The following PKHD1 variants were observed in gnomAD, a reference collection of about 807,000 sequenced individuals.
PKHD1 encodes the protein fibrocystin.
Under a neutral mutation model 412.0 loss-of-function variants are expected in PKHD1, and 291 were observed. The ratio of observed to expected loss-of-function variants is 0.71; its 90% confidence interval spans 0.64 to 0.78. The LOEUF is 0.78. PKHD1 is among the 30% of genes least tolerant of loss of function. The pLI, the probability that PKHD1 is intolerant of heterozygous loss-of-function variation, is 0.00. For synonymous variants in PKHD1, 1,777 were observed against 1,821.5 expected (o/e 0.98, Z 0.62); for missense variants, 4,825 against 4,950.7 (o/e 0.97, Z 0.76).
intron 35 of PKHD1, among the ~76,000 whole-genome samples, chr6:51,973,939 C>CT (rs1358833763): frequency 1.3e-5 from 2 of 152,128 alleles, no homozygotes; most frequent in African/African-American, 4.8e-5. Context: ...AACTCAGTGA[C>CT]TGATACAAGA....
intron 35 of PKHD1, among the ~76,000 whole-genome samples, chr6:51,978,039 C>G (rs1306136455): frequency 6.6e-6 from 1 of 152,188 alleles, no homozygotes; most frequent in African/African-American, 2.4e-5. Context: ...AAGATCCCAG[C>G]AGGAGGATCT....
Position 51,659,037 on chromosome 6 carries a change from G to C in PKHD1, c.11089C>G (p.Gln3697Glu). ...QNLAHRVITA[Q>E]QTGVLENVLN... ...ACATTCTCTAGTACCCCAGTCTGTT[G>C]AGCAGTGATGACTCGATGAGCCAAA... The change falls in exon 61 of 67, where the codon CAA (glutamine) becomes GAA (glutamate). Residue 3697 changes from glutamine to glutamate, a missense_variant. Coordinates refer to ENST00000371117, the MANE Select transcript of PKHD1 (RefSeq NM_138694.4). 2 of 1,612,610 alleles carry C rather than the reference G, an allele frequency of 1.2e-6. No individual in the cohort carries two copies. Among genetic ancestry groups the C allele is most frequent in the Non-Finnish European group, 1.7e-6 (2 of 1,178,784 alleles).
intron 48 of PKHD1, among the ~76,000 whole-genome samples, chr6:51,862,689 G>A (rs1390372308): frequency 6.6e-6 from 1 of 152,132 alleles, no homozygotes; most frequent in Admixed American, 6.6e-5. Flanking sequence ...TACAGGAGAG[G>A]ATATTAAGCA....
rs1315333212 is a variant in PKHD1 at position 51,906,252 on chromosome 6, A to G, written c.6771T>C (p.Asn2257=). 5.6e-6 allele frequency: 9 copies of G among 1,611,700 alleles called. No individual in the cohort carries two copies. Among genetic ancestry groups the G allele is most frequent in the Non-Finnish European group, 7.6e-6 (9 of 1,178,160 alleles). ...CGTLGLKVDS[N]VFYNILGHAL... ...CATGACCTAAAATATTGTAGAATACATTACTGTCCACCTTCAGGCCCAAGG... is the reference window on the plus strand; with the variant it reads ...CATGACCTAAAATATTGTAGAATACGTTACTGTCCACCTTCAGGCCCAAGG... The change falls in exon 41 of 67, where the codon AAT becomes AAC. Residue 2257 remains asparagine (N), a synonymous_variant. Coordinates refer to ENST00000371117, the MANE Select transcript of PKHD1 (RefSeq NM_138694.4).
chr6:51,980,977 A>G (rs1007593220), intron 35 of PKHD1, among the ~76,000 whole-genome samples: 1 of 152,218 alleles, frequency 6.6e-6, no homozygotes, highest in African/African-American at 2.4e-5. Flanking sequence ...TATTTGTCCA[A>G]ATCAGTCAGC....
chr6:51,680,055 G>A (rs953384440), intron 60 of PKHD1, among the ~76,000 whole-genome samples: 37 of 151,776 alleles, frequency 2.4e-4, no homozygotes, highest in African/African-American at 7.5e-4. Flanking sequence ...ATAATGCTAC[G>A]GTATCAAGCT....
intron 57 of PKHD1, among the ~76,000 whole-genome samples, chr6:51,750,887 C>T (rs1786008665): frequency 6.6e-6 from 1 of 152,126 alleles, no homozygotes; most frequent in African/African-American, 2.4e-5. Context: ...AGTGATCCTA[C>T]CACCTCAGCC....
chr6:51,846,279 C>A (rs1001878212), intron 50 of PKHD1, among the ~76,000 whole-genome samples: 1 of 152,098 alleles, frequency 6.6e-6, no homozygotes, highest in Non-Finnish European at 1.5e-5. Flanking sequence ...CCTGTAGGTC[C>A]GACTCACTGG....
intron 66 of PKHD1, among the ~76,000 whole-genome samples, chr6:51,620,517 T>A (rs1766472619): frequency 6.6e-6 from 1 of 152,132 alleles, no homozygotes; most frequent in Non-Finnish European, 1.5e-5. Flanking sequence ...CATCTACTTT[T>A]ACTACGTTTA....
chr6:51,995,625 A>AT (rs1797631813), intron 35 of PKHD1, among the ~76,000 whole-genome samples: 1 of 152,112 alleles, frequency 6.6e-6, no homozygotes, highest in Non-Finnish European at 1.5e-5. Context: ...TTTCCAGGTA[A>AT]TTTTTCCACC....
At chr6:51,666,915 G>C (rs1445627062) in intron 60 of PKHD1, among the ~76,000 whole-genome samples, 2 of 151,828 alleles carry the variant, frequency 1.3e-5, no homozygotes, top group African/African-American at 4.8e-5. Context: ...TGGTGTATAC[G>C]TGCCACATTT....
At chr6:51,727,631 G>T (rs1238029710) in intron 60 of PKHD1, among the ~76,000 whole-genome samples, 1 of 152,196 alleles carries the variant, frequency 6.6e-6, no homozygotes, top group Admixed American at 6.5e-5. Context: ...AGGTGAGCAT[G>T]CACAGTGTGT....
intron 48 of PKHD1, among the ~76,000 whole-genome samples, chr6:51,863,380 A>G (rs1774509048): frequency 6.6e-6 from 1 of 152,372 alleles, no homozygotes; most frequent in Middle Eastern, 3.4e-3. Flanking sequence ...CGAAGACAGA[A>G]TCAAGGTCTG....
At chr6:51,770,166 G>A (rs11756701) in intron 55 of PKHD1, among the ~76,000 whole-genome samples, 27,926 of 151,240 alleles carry the variant, frequency 0.18, 3,378 homozygotes, top group African/African-American at 0.34. Flanking sequence ...AGATAAATAC[G>A]TGTCTTAGAT....
At chr6:51,633,056 A>T (rs1768116979) in intron 64 of PKHD1, among the ~76,000 whole-genome samples, 1 of 152,180 alleles carries the variant, frequency 6.6e-6, no homozygotes. Flanking sequence ...TAATGAGAAT[A>T]AAAATATTCT....
chr6:51,744,126 A>G (rs964566458), intron 60 of PKHD1, among the ~76,000 whole-genome samples: 1 of 152,238 alleles, frequency 6.6e-6, no homozygotes, highest in Non-Finnish European at 1.5e-5. Context: ...CCAGCTGTGC[A>G]CTAAGTTGGG....
rs146076610 is a variant in PKHD1 at position 51,882,906 on chromosome 6, G to A, written c.7350+187C>T. On this transcript the variant is annotated intron_variant, in intron 46 of 66. Coordinates refer to ENST00000371117, the MANE Select transcript of PKHD1 (RefSeq NM_138694.4). ...TGTACTCATAACACTAAAGCACTGT[G>A]TATATATGAGTTCTATTATCAATAT... 7.3e-3 allele frequency among the ~76,000 whole-genome samples: 1,115 copies of A among 152,256 alleles called. 11 individuals are homozygous for A. The highest frequency in any genetic ancestry group is 0.011 in the Non-Finnish European group (758 of 68,014).
At chr6:51,935,382 T>C (rs893293067) in intron 36 of PKHD1, among the ~76,000 whole-genome samples, 2 of 152,254 alleles carry the variant, frequency 1.3e-5, no homozygotes, top group Non-Finnish European at 2.9e-5. Context: ...ATATTTTACG[T>C]AGAATTTTCT....
At chr6:51,908,058 G>A (rs917580526) in intron 40 of PKHD1, among the ~76,000 whole-genome samples, 12 of 151,920 alleles carry the variant, frequency 7.9e-5, no homozygotes, top group East Asian at 3.9e-4. Context: ...TGAATTGGCC[G>A]CATGTCAAAT....
Sources: allele counts gnomAD v4.1 joint callset (sites outside exome capture counted in the v4.1 genomes callset), GRCh38; gene constraint gnomAD v4.1.1; transcripts MANE v1.5; gene names NCBI Gene and HGNC (gene_info 2026-07-23, HGNC 2026-07-21).